CDK6: variants seen among roughly 807,000 people sequenced by gnomAD.
CDK6 encodes cyclin-dependent kinase 6.
In CDK6, 6 loss-of-function variants were observed where a neutral mutation model predicts 37.1. The observed-to-expected ratio is 0.16, with a 90% CI of 0.09 to 0.32. CDK6 has a LOEUF of 0.32. Among genes scored for constraint, CDK6 ranks in the 10% least tolerant of loss-of-function variants. The probability of loss-of-function intolerance (pLI) is 1.00; values close to 1 mark genes in which losing one functional copy is unlikely to be tolerated. For synonymous variants in CDK6, 160 were observed against 161.3 expected, an observed-to-expected ratio of 0.99 and a Z score of 0.06; for missense variants, 224 against 418.9, an observed-to-expected ratio of 0.53 and a Z score of 4.06.
At chr7:92,731,830 T>C (rs1423770496) in intron 3 of CDK6, among the ~76,000 whole-genome samples, 2 of 152,124 alleles carry the variant, frequency 1.3e-5, no homozygotes, top group Non-Finnish European at 2.9e-5. Context: ...ATGACTTAAA[T>C]GAACAACATG....
At chr7:92,795,400 T>C (rs1319254170) in intron 2 of CDK6, among the ~76,000 whole-genome samples, 1 of 152,140 alleles carries the variant, frequency 6.6e-6, no homozygotes, top group Non-Finnish European at 1.5e-5. Context: ...TGAGTTCATT[T>C]AGCTGTCAGA....
chr7:92,777,002 C>A (rs569578614), intron 2 of CDK6, among the ~76,000 whole-genome samples: 47 of 152,206 alleles, frequency 3.1e-4, no homozygotes, highest in Non-Finnish European at 4.7e-4. Flanking sequence ...AATGGTACTG[C>A]CTAAGTTTTT....
rs1482702904 is a variant in CDK6, at chr7:92,611,409, G to C, written c.*3731C>G. ...TAAAGCCTGCTTTTGGAAAATGTAA[G>C]ACACTCTCATGTGCTTATCATAAGA... On this transcript the variant is annotated 3_prime_UTR_variant, in exon 8 of 8. Transcript: ENST00000424848. 4.4e-6 allele frequency: 1 copy of C among 227,366 alleles called. No individual in the cohort carries two copies. The highest frequency in any genetic ancestry group is 8.7e-6 in the Non-Finnish European group (1 of 114,510). 14.1% of individuals were successfully genotyped at this position (227,366 alleles called of 1,614,324 possible).
intron 5 of CDK6, among the ~76,000 whole-genome samples, chr7:92,646,419 A>G (rs1796452237): frequency 6.9e-6 from 1 of 145,694 alleles, no homozygotes; most frequent in Non-Finnish European, 1.5e-5. Flanking sequence ...TTTTTTTGAG[A>G]TGGAGTCTTG....
At position 92,658,454 on chromosome 7, in the gene CDK6, CATATT is replaced by C. The variant is rs370960228; in HGVS notation, c.647+12967_647+12971del. Among the ~76,000 whole-genome samples the C allele has an allele frequency of 4.1e-4, 62 of 152,264 alleles. No homozygotes were observed. The East Asian group carries it at 0.01, about 25-fold the overall frequency. Reference sequence around the variant, plus strand: ...AATGAGTTAAATCTCTAGGTACTGACATATTATGATAAAATAAAGCGAATAAGCAA... The same window carrying C: ...AATGAGTTAAATCTCTAGGTACTGACATGATAAAATAAAGCGAATAAGCAA... On this transcript the variant is annotated intron_variant, in intron 5 of 7. Coordinates refer to ENST00000424848, the MANE Select transcript of CDK6 (RefSeq NM_001145306.2).
intron 3 of CDK6, among the ~76,000 whole-genome samples, chr7:92,746,476 C>T (rs995750690): frequency 1.3e-5 from 2 of 152,096 alleles, no homozygotes; most frequent in Non-Finnish European, 2.9e-5. Flanking sequence ...TTGTTTCATG[C>T]ACAGAAGTAT....
At chr7:92,831,513 A>AG (rs1801480890) in intron 2 of CDK6, among the ~76,000 whole-genome samples, 2 of 152,194 alleles carry the variant, frequency 1.3e-5, no homozygotes, top group Admixed American at 6.5e-5. Context: ...GCTGAGTTAC[A>AG]GGGGGCTAAA....
chr7:92,607,057 C>T lies in CDK6; in HGVS notation c.*8083G>A. 4.3e-6 allele frequency: 1 copy of T among 233,542 alleles called. No individual in the cohort carries two copies. Among genetic ancestry groups the T allele is most frequent in the Non-Finnish European group, 8.5e-6 (1 of 117,978 alleles). 14.5% of individuals were successfully genotyped at this position (233,542 alleles called of 1,614,324 possible). On this transcript the variant is annotated 3_prime_UTR_variant, in exon 8 of 8. Transcript: ENST00000424848. Reference sequence around the variant, plus strand: ...ATTACCACACTGGATTGCTTCTGTACACAGCTAAGTTGCCTGAAGCATGGA... The same window carrying T: ...ATTACCACACTGGATTGCTTCTGTATACAGCTAAGTTGCCTGAAGCATGGA...
chr7:92,727,420 T>C (rs1191076776), intron 3 of CDK6, among the ~76,000 whole-genome samples: 2 of 152,236 alleles, frequency 1.3e-5, no homozygotes, highest in Non-Finnish European at 2.9e-5. Flanking sequence ...AACCAAAGCC[T>C]TAGTTTTTCC....
chr7:92,618,792 T>C (rs1165311144), intron 6 of CDK6, among the ~76,000 whole-genome samples: 1 of 152,188 alleles, frequency 6.6e-6, no homozygotes, highest in Non-Finnish European at 1.5e-5. Flanking sequence ...CATGATTTTA[T>C]AAAAGGAAGT....
Position 92,834,596 on chromosome 7 carries a change from G to A in CDK6, c.-367-906C>T, listed in dbSNP as rs1033821544. On this transcript the variant is annotated intron_variant, in intron 1 of 7. Coordinates refer to ENST00000424848, the MANE Select transcript of CDK6 (RefSeq NM_001145306.2). This position sits in a 1 kb window ranked among gnomAD's most constrained non-coding sequence, Gnocchi z 4.6. ...TCGTCTCCTTAAAGAATAACTTCAG[G>A]AAGGGGATAGCATAATCGCGCCTCG... Among the ~76,000 whole-genome samples the A allele has an allele frequency of 4.7e-5, 7 of 150,384 alleles. No individual in the cohort carries two copies. The highest frequency in any genetic ancestry group is 4.2e-4 in the South Asian group (2 of 4,774).
At chr7:92,814,555 C>CAAAAAAAAAAAA (rs201939605) in intron 2 of CDK6, among the ~76,000 whole-genome samples, 1 of 70,038 alleles carries the variant, frequency 1.4e-5, no homozygotes. Flanking sequence ...AACTGAATTG[C>CAAAAAAAAAAAA]AAAAAAAAAA....
intron 2 of CDK6, among the ~76,000 whole-genome samples, chr7:92,785,081 A>T (rs1359466709): frequency 6.6e-6 from 1 of 152,248 alleles, no homozygotes; most frequent in East Asian, 1.9e-4. Flanking sequence ...GTGAAGGTAA[A>T]CAAATATTCA....
intron 3 of CDK6, among the ~76,000 whole-genome samples, chr7:92,746,813 C>T (rs6952653): frequency 0.12 from 18,766 of 152,004 alleles, 1,345 homozygotes; most frequent in South Asian, 0.29. Context: ...TATCATTTTA[C>T]TTTTCATTTC....
At chr7:92,677,510 T>A (rs1797232738) in intron 4 of CDK6, among the ~76,000 whole-genome samples, 1 of 152,016 alleles carries the variant, frequency 6.6e-6, no homozygotes, top group Non-Finnish European at 1.5e-5. Flanking sequence ...TCCCTGCTAA[T>A]AGGGAGGCTG....
intron 5 of CDK6, among the ~76,000 whole-genome samples, chr7:92,646,932 G>C (rs1010960200): frequency 6.6e-6 from 1 of 152,042 alleles, no homozygotes; most frequent in African/African-American, 2.4e-5. Flanking sequence ...AGTGCTTTCT[G>C]GGAATATAAA....
In CDK6 at chr7:92,813,113, G is replaced by C. The variant is rs3731273; in HGVS notation, c.233+19978C>G. On this transcript the variant is annotated intron_variant, in intron 2 of 7. Transcript: ENST00000424848. Reference sequence around the variant, plus strand: ...GCCAAGAAAATATATGCAATTCATAGTAATTCATGATTTGGGATTTTATTT... The same window carrying C: ...GCCAAGAAAATATATGCAATTCATACTAATTCATGATTTGGGATTTTATTT... 4.6e-5 allele frequency among the ~76,000 whole-genome samples: 7 copies of C among 152,218 alleles called. No homozygotes were observed. The South Asian group carries it at 1.5e-3, about 32-fold the overall frequency.
chr7:92,670,894 G>A (rs1562930656), intron 5 of CDK6, among the ~76,000 whole-genome samples: 2 of 152,112 alleles, frequency 1.3e-5, no homozygotes, highest in Admixed American at 6.5e-5. Flanking sequence ...TCTTGTTTCT[G>A]TCCTCTATAG....
At chr7:92,676,053 G>A (rs1797196017) in intron 4 of CDK6, among the ~76,000 whole-genome samples, 1 of 151,232 alleles carries the variant, frequency 6.6e-6, no homozygotes, top group Non-Finnish European at 1.5e-5. Flanking sequence ...GAGGATTATT[G>A]TTTTATTTTA....
Sources: allele counts gnomAD v4.1 joint callset (sites outside exome capture counted in the v4.1 genomes callset), GRCh38; gene constraint gnomAD v4.1.1; non-coding constraint Gnocchi (gnomAD v3.1); transcripts MANE v1.5; gene names NCBI Gene and HGNC (gene_info 2026-07-23, HGNC 2026-07-21).